Variants in MANBA observed in about 807,000 individuals in gnomAD.
The protein encoded by MANBA is mannosidase beta.
Under a neutral mutation model 111.1 loss-of-function variants are expected in MANBA, and 83 were observed. The observed-to-expected ratio is 0.75, with a 90% CI of 0.63 to 0.90. The LOEUF (loss-of-function observed/expected upper bound fraction) is 0.90, where lower values mean the gene tolerates loss of function less well. Among genes scored for constraint, MANBA ranks in the 40% least tolerant of loss-of-function variants. The pLI is 0.00. For missense variants in MANBA, 1,036 were observed against 1,069.0 expected, an observed-to-expected ratio of 0.97 and a Z score of 0.43; for synonymous variants, 370 against 378.7, an observed-to-expected ratio of 0.98 and a Z score of 0.27.
intron 5 of MANBA, among the ~76,000 whole-genome samples, chr4:102,702,313 C>T (rs1183520468): frequency 6.6e-6 from 1 of 151,948 alleles, no homozygotes; most frequent in African/African-American, 2.4e-5. Flanking sequence ...GAATTTCCTC[C>T]TGTAGCTCGT....
chr4:102,697,497 T>TCCCTCCC (rs956205514), intron 5 of MANBA, among the ~76,000 whole-genome samples: 1 of 113,014 alleles, frequency 8.8e-6, no homozygotes, highest in Non-Finnish European at 1.8e-5. Flanking sequence ...CCCAATGCTA[T>TCCCTCCC]CCCTCCCCCC....
chr4:102,674,264 T>TTTCTCTTTTAAAAGAGTTCTTTTG (rs1418011828), intron 7 of MANBA, among the ~76,000 whole-genome samples, 194 bp from the exon 8 acceptor site: 14 of 152,238 alleles, frequency 9.2e-5, no homozygotes, highest in Non-Finnish European at 1.8e-4. Flanking sequence ...GCATCCGTTA[T>TTTCTCTTTTAAAAGAGTTCTTTTG]TTCTCTTTTA....
intron 8 of MANBA, 149 bp downstream of exon 8, chr4:102,673,770 C>T: frequency 1.4e-6 from 1 of 707,772 alleles, no homozygotes; most frequent in South Asian, 1.8e-5. Flanking sequence ...TTTTAAAATC[C>T]TGTCCATTCT....
At chr4:102,737,816 G>A (rs969047048) in intron 1 of MANBA, among the ~76,000 whole-genome samples, 4 of 152,094 alleles carry the variant, frequency 2.6e-5, no homozygotes, top group Admixed American at 6.5e-5. Flanking sequence ...TTTCCCTAGC[G>A]AACTGTATGA....
chr4:102,713,365 T>G (rs939045598), intron 5 of MANBA, among the ~76,000 whole-genome samples: 4 of 152,214 alleles, frequency 2.6e-5, no homozygotes, highest in Non-Finnish European at 4.4e-5. Flanking sequence ...GGCTCTTATC[T>G]TGGAAGGTTA....
intron 12 of MANBA, among the ~76,000 whole-genome samples, chr4:102,656,089 T>TA (rs771898746): frequency 6.6e-6 from 1 of 152,030 alleles, no homozygotes; most frequent in Non-Finnish European, 1.5e-5. Context: ...TCCGTCTCTA[T>TA]AAAAAATACA....
chr4:102,676,644 C>A (rs1437130822), intron 7 of MANBA, among the ~76,000 whole-genome samples: 1 of 152,146 alleles, frequency 6.6e-6, no homozygotes, highest in African/African-American at 2.4e-5. Flanking sequence ...GATGGACTTG[C>A]CAGTTTGCCT....
At position 102,638,072 on chromosome 4, in the gene MANBA, T is replaced by C. The variant is rs957602641; in HGVS notation, c.2014+1641A>G. ...CTTGGTGTGTGGGGGAAGTTTCCCA[T>C]ATATTTGGTCACAGAAGTCTTCTGT... On this transcript the variant is annotated intron_variant, in intron 14 of 16. Transcript: ENST00000647097. Among the ~76,000 whole-genome samples the C allele has an allele frequency of 2.6e-5, 4 of 152,258 alleles. 1 individual carries two copies. Among genetic ancestry groups the C allele is most frequent in the Admixed American group, 1.3e-4 (2 of 15,292 alleles).
chr4:102,718,831 C>T (rs1722451453), intron 4 of MANBA, among the ~76,000 whole-genome samples: 1 of 152,080 alleles, frequency 6.6e-6, no homozygotes, highest in Non-Finnish European at 1.5e-5. Context: ...ATTGGTAGGA[C>T]CGTGATGACG....
intron 5 of MANBA, among the ~76,000 whole-genome samples, chr4:102,713,722 C>T (rs1187335595): frequency 6.6e-6 from 1 of 151,920 alleles, no homozygotes; most frequent in Non-Finnish European, 1.5e-5. Context: ...TATGGAGAAA[C>T]CCCATCTCTA....
At chr4:102,756,625 T>C (rs1238289827) in intron 1 of MANBA, among the ~76,000 whole-genome samples, 1 of 150,034 alleles carries the variant, frequency 6.7e-6, no homozygotes, top group African/African-American at 2.4e-5. Flanking sequence ...ACTTAAAGTA[T>C]AACAAAAAAA....
At chr4:102,644,560 T>C (rs532524003) in intron 13 of MANBA, among the ~76,000 whole-genome samples, 3 of 152,120 alleles carry the variant, frequency 2.0e-5, no homozygotes, top group East Asian at 3.9e-4. Context: ...ATACATGGAA[T>C]TGAAAAAAGT....
intron 11 of MANBA, among the ~76,000 whole-genome samples, chr4:102,664,159 C>G (rs184470912): frequency 2.2e-3 from 340 of 152,312 alleles, no homozygotes; most frequent in African/African-American, 8.0e-3. Flanking sequence ...GTAAGCACTG[C>G]ATTGGTGTAT....
intron 16 of MANBA, chr4:102,633,280 G>A: frequency 2.5e-6 from 1 of 398,610 alleles, no homozygotes; most frequent in Non-Finnish European, 4.4e-6. Flanking sequence ...AGGTCCTAAA[G>A]CAGCCACAGG....
At chr4:102,760,450 A>G (rs1027764360) in intron 1 of MANBA, among the ~76,000 whole-genome samples, 2 of 152,340 alleles carry the variant, frequency 1.3e-5, no homozygotes, top group Admixed American at 1.3e-4. Flanking sequence ...CAGTAAGTAA[A>G]CTGCTAGTAG....
chr4:102,695,279 G>GA (rs1193559200), intron 5 of MANBA, among the ~76,000 whole-genome samples: 1 of 151,440 alleles, frequency 6.6e-6, no homozygotes, highest in Non-Finnish European at 1.5e-5. Flanking sequence ...CAAAAAAAAA[G>GA]AAAAAAAGCT....
rs191358556 is a variant in MANBA, at chr4:102,698,646, T to C, written c.674-7875A>G. Reference sequence around the variant, plus strand: ...CCCCATTGCTTGTTTTTCTCAGGTTTGTCAAAGATCAGATAGTTGTAGATA... The same window carrying C: ...CCCCATTGCTTGTTTTTCTCAGGTTCGTCAAAGATCAGATAGTTGTAGATA... On this transcript the variant is annotated intron_variant, in intron 5 of 16. Transcript: ENST00000647097. 3.3e-5 allele frequency among the ~76,000 whole-genome samples: 5 copies of C among 151,934 alleles called. No individual in the cohort carries two copies. The East Asian group carries it at 7.7e-4, about 23-fold the overall frequency.
At chr4:102,663,640 G>A (rs1443081556) in intron 11 of MANBA, among the ~76,000 whole-genome samples, 1 of 152,034 alleles carries the variant, frequency 6.6e-6, no homozygotes, top group African/African-American at 2.4e-5. Flanking sequence ...CATAAACTGG[G>A]CATGTTTAGG....
At chr4:102,652,105 C>T (rs1377950923) in intron 12 of MANBA, among the ~76,000 whole-genome samples, 1 of 152,114 alleles carries the variant, frequency 6.6e-6, no homozygotes, top group Non-Finnish European at 1.5e-5. Context: ...GTCGGGAACA[C>T]TCAAAATTAT....
Sources: allele counts gnomAD v4.1 joint callset (sites outside exome capture counted in the v4.1 genomes callset), GRCh38; gene constraint gnomAD v4.1.1; transcripts MANE v1.5; gene names NCBI Gene and HGNC (gene_info 2026-07-23, HGNC 2026-07-21).